POLD3: variants seen among roughly 807,000 people sequenced by gnomAD.
The protein encoded by POLD3 is DNA polymerase delta subunit 3.
In POLD3, 19 loss-of-function variants were observed where a neutral mutation model predicts 58.2. The ratio of observed to expected loss-of-function variants is 0.33; its 90% CI spans 0.23 to 0.48. The LOEUF is 0.48. Ranked by LOEUF, POLD3 falls within the 20% of genes least tolerant of loss-of-function variation. The probability of loss-of-function intolerance (pLI) is 0.99; values close to 1 mark genes in which losing one functional copy is unlikely to be tolerated. For synonymous variants in POLD3, 172 were observed against 193.5 expected, an observed-to-expected ratio of 0.89 and a Z score of 0.92; for missense variants, 504 against 545.5, an observed-to-expected ratio of 0.92 and a Z score of 0.76.
At chr11:74,666,676 G>C (rs1308240089) in intron 4 of POLD3, among the ~76,000 whole-genome samples, 5 of 152,216 alleles carry the variant, frequency 3.3e-5, no homozygotes, top group Non-Finnish European at 7.3e-5. Context: ...TACAGATTTA[G>C]TGCAATCTCT....
At chr11:74,629,358 C>T (rs1382269043) in intron 9 of POLD3, 35 bp downstream of exon 9, 6 of 1,186,442 alleles carry the variant, frequency 5.1e-6, no homozygotes, top group African/African-American at 1.6e-5. Context: ...TTAGGGGGAT[C>T]AATTTTACTT....
intron 1 of POLD3, among the ~76,000 whole-genome samples, chr11:74,593,247 T>G (rs1397215511): frequency 6.6e-6 from 1 of 152,184 alleles, no homozygotes; most frequent in Non-Finnish European, 1.5e-5. Context: ...ATTGAGTGCC[T>G]GCTGTGTGCC....
chr11:74,608,520 T>G (rs2031776117), intron 3 of POLD3, among the ~76,000 whole-genome samples: 1 of 152,192 alleles, frequency 6.6e-6, no homozygotes, highest in South Asian at 2.1e-4. Flanking sequence ...TACCCCCTCC[T>G]AGGCTCTGGG....
At chr11:74,631,120 A>G (rs2032577172) in intron 9 of POLD3, among the ~76,000 whole-genome samples, 1 of 152,146 alleles carries the variant, frequency 6.6e-6, no homozygotes, top group African/African-American at 2.4e-5. Context: ...AGCCAGTGGG[A>G]TTTTATTTTC....
rs2135186183 is a variant in POLD3 at position 74,641,715 on chromosome 11, A to G, written c.*949A>G. ...AAATTTCTCCTTAAGAAAACAGAAT[A>G]TTCAAAAACAGCACTTTTCCAGGAA... On this transcript the variant is annotated 3_prime_UTR_variant, in exon 12 of 12. Coordinates refer to ENST00000263681, the MANE Select transcript of POLD3 (RefSeq NM_006591.3). The G allele has an allele frequency of 1.0e-6, 1 of 985,334 alleles. No individual in the cohort carries two copies. The highest frequency in any genetic ancestry group is 1.7e-5 in the African/African-American group (1 of 57,358). The allele number at this position is 985,334 out of a possible 1,614,324, so 61.0% of individuals were successfully genotyped here. A position where few individuals can be genotyped will look rare whatever the true frequency, so the allele number is the denominator to read the frequency against.
At chr11:74,635,009 C>T (rs973651437) in intron 10 of POLD3, among the ~76,000 whole-genome samples, 2 of 152,174 alleles carry the variant, frequency 1.3e-5, no homozygotes, top group African/African-American at 2.4e-5. Context: ...AGAGATCCCC[C>T]CTGCATCAGA....
chr11:74,662,178 C>T (rs1253370270), intron 4 of POLD3, among the ~76,000 whole-genome samples: 4 of 152,212 alleles, frequency 2.6e-5, no homozygotes, highest in Non-Finnish European at 5.9e-5. Flanking sequence ...TACTGTACCC[C>T]ACTGTGGGCA....
At chr11:74,629,831 G>A (rs1422127636) in intron 9 of POLD3, among the ~76,000 whole-genome samples, 1 of 151,888 alleles carries the variant, frequency 6.6e-6, no homozygotes, top group Non-Finnish European at 1.5e-5. Flanking sequence ...GAGTTTTACC[G>A]GGAACATTAA....
intron 4 of POLD3, among the ~76,000 whole-genome samples, chr11:74,662,361 C>T (rs916803114): frequency 1.3e-5 from 2 of 150,564 alleles, no homozygotes; most frequent in Non-Finnish European, 3.0e-5. Context: ...TATTGCTGCT[C>T]ATTATTCAGA....
intron 11 of POLD3, among the ~76,000 whole-genome samples, chr11:74,639,457 A>G (rs955178689): frequency 3.3e-5 from 5 of 152,234 alleles, no homozygotes; most frequent in Admixed American, 1.3e-4. Flanking sequence ...AGCATTTATT[A>G]TGCATATTAG....
At chr11:74,663,921 T>C (rs1289060724) in intron 4 of POLD3, among the ~76,000 whole-genome samples, 1 of 152,280 alleles carries the variant, frequency 6.6e-6, no homozygotes, top group East Asian at 1.9e-4. Context: ...AAAAAACTTA[T>C]ACAGCTCAAT....
chr11:74,627,577 A>G (rs769345838), intron 8 of POLD3, among the ~76,000 whole-genome samples: 7 of 152,290 alleles, frequency 4.6e-5, no homozygotes, highest in South Asian at 4.1e-4. Context: ...CCGCTCACTC[A>G]CTGACTCAGC....
intron 10 of POLD3, among the ~76,000 whole-genome samples, chr11:74,635,880 C>T (rs1049418231): frequency 9.2e-5 from 14 of 152,288 alleles, no homozygotes; most frequent in Middle Eastern, 3.4e-3. Context: ...CACTAAGGTC[C>T]TTATCCTATA....
chr11:74,630,154 T>C (rs2032548822), intron 9 of POLD3, among the ~76,000 whole-genome samples: 1 of 149,626 alleles, frequency 6.7e-6, no homozygotes, highest in Admixed American at 6.6e-5. Flanking sequence ...AAAGGGAGAG[T>C]AAAGAAGAAT....
intron 4 of POLD3, among the ~76,000 whole-genome samples, chr11:74,649,504 A>T (rs1372192881): frequency 6.6e-6 from 1 of 152,200 alleles, no homozygotes; most frequent in Non-Finnish European, 1.5e-5. Flanking sequence ...TTGAATGACC[A>T]TTATACTTAG....
intron 3 of POLD3, among the ~76,000 whole-genome samples, chr11:74,609,433 G>C (rs61901542): frequency 7.4e-6 from 1 of 134,734 alleles, no homozygotes; most frequent in East Asian, 2.2e-4. Context: ...AAGCATTGGA[G>C]TGCAGTGGCG....
chr11:74,629,126 C>T (rs2032512511), intron 8 of POLD3, 91 bp from the exon 9 acceptor site: 2 of 727,710 alleles, frequency 2.7e-6, no homozygotes, highest in African/African-American at 1.9e-5. Context: ...GAATTAAGAC[C>T]ACGAGTTATA....
chr11:74,642,891 T>G lies in POLD3; in HGVS notation c.*2125T>G. On this transcript the variant is annotated 3_prime_UTR_variant, in exon 12 of 12. Coordinates refer to ENST00000263681, the MANE Select transcript of POLD3 (RefSeq NM_006591.3). ...AGTTATTTGCTGCCTTCATCGTTTT[T>G]TTCAGCACTGGGGAAATGTTAGTTT... 2 of 985,366 alleles carry G rather than the reference T, an allele frequency of 2.0e-6. No individual in the cohort carries two copies. The highest frequency in any genetic ancestry group is 2.4e-6 in the Non-Finnish European group (2 of 829,860). 61.0% of individuals were successfully genotyped at this position (985,366 alleles called of 1,614,324 possible).
chr11:74,648,504 A>G (rs1384879648), intron 4 of POLD3, among the ~76,000 whole-genome samples: 1 of 152,196 alleles, frequency 6.6e-6, no homozygotes. Context: ...AGATTCACAG[A>G]GGAGGAAGTG....
Sources: gnomAD v4.1 joint callset for allele counts (sites outside exome capture counted in the v4.1 genomes callset) on GRCh38, gnomAD v4.1.1 for gene constraint, MANE v1.5 for transcripts, NCBI Gene and HGNC (gene_info 2026-07-23, HGNC 2026-07-21) for gene names.